The following SRPRB variants were observed in gnomAD, a reference collection of about 807,000 sequenced individuals.
SRPRB encodes signal recognition particle receptor subunit beta.
Under a neutral mutation model 31.9 loss-of-function variants are expected in SRPRB, and 20 were observed. The ratio of observed to expected loss-of-function variants is 0.63; its 90% CI spans 0.44 to 0.91. The LOEUF is 0.91. Among genes scored for constraint, SRPRB ranks in the 40% least tolerant of loss-of-function variants. SRPRB has a pLI of 0.00. For missense variants in SRPRB, 321 were observed against 324.9 expected (o/e 0.99, Z 0.09); for synonymous variants, 146 against 132.8 (o/e 1.10, Z -0.68).
chr3:133,812,135 G>C (rs576519879), intron 4 of SRPRB, among the ~76,000 whole-genome samples: 1 of 152,268 alleles, frequency 6.6e-6, no homozygotes, highest in South Asian at 2.1e-4. Context: ...TCTTATAGTT[G>C]ATGGTGTCAT....
downstream of SRPRB, among the ~76,000 whole-genome samples, chr3:133,822,750 G>A (rs555566590): frequency 8.5e-5 from 13 of 152,180 alleles, no homozygotes; most frequent in Non-Finnish European, 1.8e-4. Context: ...GTTGGCTCAT[G>A]CCTGTCCTCA....
downstream of SRPRB, chr3:133,828,416 T>G: frequency 2.7e-6 from 1 of 363,996 alleles, no homozygotes. Flanking sequence ...GAAAAGGTTC[T>G]CTATAAGTTT....
At chr3:133,818,079 C>A (rs62280623) in intron 6 of SRPRB, among the ~76,000 whole-genome samples, 7,036 of 152,282 alleles carry the variant, frequency 0.046, 179 homozygotes, top group South Asian at 0.066. Flanking sequence ...ACCCTGTCCT[C>A]CTGTGCTCTT....
At chr3:133,819,320 C>A (rs969283024) in intron 6 of SRPRB, among the ~76,000 whole-genome samples, 3 of 152,134 alleles carry the variant, frequency 2.0e-5, no homozygotes, top group African/African-American at 7.2e-5. Flanking sequence ...TGGTCTACTG[C>A]TGACCTGCCT....
At chr3:133,826,404 A>G (rs1935563860), downstream of SRPRB, 1 of 152,276 alleles carries the variant, frequency 6.6e-6, no homozygotes, top group Admixed American at 6.5e-5. Context: ...GTTTTTTTAA[A>G]AAAGCTAATC....
Position 133,819,594 on chromosome 3 carries a change from T to C in SRPRB, c.644T>C (p.Leu215Pro), listed in dbSNP as rs1346666734. Residue 215 changes from leucine to proline, a missense_variant, in exon 7 of 7, where the codon CTG (leucine) becomes CCG (proline). Leu to Pro is a moderately conservative substitution (Grantham distance 98). Transcript: ENST00000678299. ...ACCCGTTCTGCTGCCCCCAGCACAC[T>C]GGACAGTTCCAGCACTGCCCCTGCT... ...RVTRSAAPST[L>P]DSSSTAPAQL... 8 of 1,614,084 alleles carry C rather than the reference T, an allele frequency of 5.0e-6. No individual in the cohort carries two copies. The African/African-American group carries it at 8.0e-5, about 16-fold the overall frequency.
Position 133,819,914 on chromosome 3 carries a change from T to C in SRPRB, c.*148T>C. The C allele has an allele frequency of 1.4e-6, 1 of 732,042 alleles. No individual in the cohort carries two copies. The highest frequency in any genetic ancestry group is 2.2e-6 in the Non-Finnish European group (1 of 464,232). 45.3% of individuals were successfully genotyped at this position (732,042 alleles called of 1,614,324 possible). A position where few individuals can be genotyped will look rare whatever the true frequency, so the allele number is the denominator to read the frequency against. On this transcript the variant is annotated 3_prime_UTR_variant, in exon 7 of 7. Transcript: ENST00000678299. Reference sequence around the variant, plus strand: ...AAACAAAGTACTGTTGAAACCAGCTTGGAATTTTTTTTTTTTTTTTTTTTA... The same window carrying C: ...AAACAAAGTACTGTTGAAACCAGCTCGGAATTTTTTTTTTTTTTTTTTTTA...
At chr3:133,828,182 C>T, downstream of SRPRB, 1 of 587,518 alleles carries the variant, frequency 1.7e-6, no homozygotes. Flanking sequence ...TGACGACCCA[C>T]TCTGGCCATG....
At chr3:133,824,374 C>A (rs962510837), downstream of SRPRB, 2 of 152,220 alleles carry the variant, frequency 1.3e-5, no homozygotes, top group African/African-American at 4.8e-5. Context: ...CCTCTGTGCT[C>A]CTCACAGCCA....
intron 1 of SRPRB, 29 bp from the exon 2 acceptor site, chr3:133,806,580 T>G: frequency 6.3e-7 from 1 of 1,589,010 alleles, no homozygotes. Context: ...AGGCGTAATT[T>G]TTGTTGTTTT....
intron 1 of SRPRB, chr3:133,792,727 TTC>T (rs1934871874): frequency 6.6e-6 from 1 of 152,190 alleles, no homozygotes; most frequent in African/African-American, 2.4e-5. Context: ...AGATTTTTTT[TTC>T]TGTCTAAAGG....
chr3:133,805,905 C>T lies in SRPRB; in HGVS notation c.57C>T (p.Phe19=). The change falls in exon 1 of 7, where the codon TTC becomes TTT. Residue 19 remains phenylalanine, a synonymous_variant. Transcript: ENST00000678299. The part of the protein sequence containing the change: ...VADGGGAGGT[F]QPYLDTLRQE... ...ATGGCGGCGGTGCCGGGGGCACCTT[C>T]CAGCCCTACCTAGACACCTTGCGGC... 6.2e-7 allele frequency: 1 copy of T among 1,613,966 alleles called. No homozygotes were observed. Among genetic ancestry groups the T allele is most frequent in the Non-Finnish European group, 8.5e-7 (1 of 1,179,866 alleles).
chr3:133,805,864 T>G lies in SRPRB; in HGVS notation c.16T>G (p.Ser6Ala). 3 of 1,611,670 alleles carry G rather than the reference T, an allele frequency of 1.9e-6. No individual in the cohort carries two copies. The highest frequency in any genetic ancestry group is 2.5e-6 in the Non-Finnish European group (3 of 1,178,796). Residue 6 changes from serine (S) to alanine (A), a missense_variant, in exon 1 of 7, where the codon TCG becomes GCG. Physicochemically the swap from Ser to Ala is moderately conservative, Grantham distance 99. Transcript: ENST00000678299. MASAD[S>A]RRVADGGGAG... ...CGTCTCATCCATGGCTTCCGCGGAC[T>G]CGCGCCGGGTGGCAGATGGCGGCGG...
chr3:133,816,825 G>A, intron 5 of SRPRB, 53 bp from the exon 6 acceptor site: 1 of 1,444,590 alleles, frequency 6.9e-7, no homozygotes, highest in Non-Finnish European at 9.5e-7. Flanking sequence ...AGAAGTCTTG[G>A]GGAAAAAACT....
At chr3:133,796,959 G>A (rs1559887140) in intron 1 of SRPRB, among the ~76,000 whole-genome samples, 1 of 152,212 alleles carries the variant, frequency 6.6e-6, no homozygotes. Flanking sequence ...TTATATCAGT[G>A]TGTTTACAGT....
chr3:133,816,827 GA>G (rs748880499), intron 5 of SRPRB, 50 bp from the exon 6 acceptor site: 7 of 1,484,800 alleles, frequency 4.7e-6, no homozygotes, highest in African/African-American at 1.4e-5. Flanking sequence ...AAGTCTTGGG[GA>G]AAAAACTCAT....
intron 3 of SRPRB, 44 bp from the exon 4 acceptor site, chr3:133,811,073 G>C: frequency 6.3e-7 from 1 of 1,589,916 alleles, no homozygotes; most frequent in Non-Finnish European, 8.6e-7. Context: ...TATTGTGAAC[G>C]TGGAACTGTA....
chr3:133,807,872 G>T (rs374292266), intron 3 of SRPRB, 49 bp downstream of exon 3: 5 of 1,437,400 alleles, frequency 3.5e-6, no homozygotes, highest in Non-Finnish European at 4.8e-6. Context: ...CTTTACTGTG[G>T]TGTGTCAGTT....
intron 1 of SRPRB, among the ~76,000 whole-genome samples, chr3:133,799,348 T>G (rs918182565): frequency 3.9e-5 from 6 of 152,118 alleles, no homozygotes; most frequent in African/African-American, 1.4e-4. Context: ...CTCTGCAGCA[T>G]TTACAGAGAG....
Sources: gnomAD v4.1 joint callset for allele counts (sites outside exome capture counted in the v4.1 genomes callset) on GRCh38, gnomAD v4.1.1 for gene constraint, MANE v1.5 for transcripts, NCBI Gene and HGNC (gene_info 2026-07-23, HGNC 2026-07-21) for gene names.